The following DOCK8 variants were observed in gnomAD, a reference collection of about 807,000 sequenced individuals.
The protein encoded by DOCK8 is dedicator of cytokinesis protein 8.
In DOCK8, 141 loss-of-function variants were observed where a neutral mutation model predicts 245.6. The observed-to-expected ratio is 0.57, with a 90% confidence interval of 0.50 to 0.66. DOCK8 has a LOEUF of 0.66. DOCK8 is among the 30% of genes least tolerant of loss of function. The pLI, the probability that DOCK8 is intolerant of heterozygous loss-of-function variation, is 0.00. For missense variants in DOCK8, 2,965 were observed against 2,603.4 expected, an observed-to-expected ratio of 1.14 and a Z score of -3.02; for synonymous variants, 1,168 against 970.2, an observed-to-expected ratio of 1.20 and a Z score of -3.79.
chr9:343,742 A>G (rs574417110), intron 14 of DOCK8, among the ~76,000 whole-genome samples: 2 of 152,318 alleles, frequency 1.3e-5, no homozygotes, highest in African/African-American at 4.8e-5. Flanking sequence ...AGGAAGATGA[A>G]GGCATGAAAA....
chr9:429,708 G>C lies in DOCK8; in HGVS notation c.4480G>C (p.Asp1494His). The C allele has an allele frequency of 6.2e-7, 1 of 1,614,162 alleles. No homozygotes were observed. The highest frequency in any genetic ancestry group is 8.5e-7 in the Non-Finnish European group (1 of 1,180,044). The change falls in exon 36 of 48, where the codon GAC becomes CAC. Residue 1494 changes from aspartate to histidine, a missense_variant. Around this residue, in one of 3 missense-constraint regions of DOCK8, gnomAD observed 2,825 missense variants for 2,453.5 expected, o/e 1.15. Transcript: ENST00000432829. Reference protein sequence around the residue: ...TLRALIAKFGDLLFEEEVEQC... With the variant: ...TLRALIAKFGHLLFEEEVEQC... ...CCCTTTATGTCTCTCCTAGTTTGGA[G>C]ACTTACTCTTTGAAGAGGAGGTGGA...
At chr9:356,529 CAAAAAAA>C (rs71482278) in intron 14 of DOCK8, among the ~76,000 whole-genome samples, 1 of 130,146 alleles carries the variant, frequency 7.7e-6, no homozygotes, top group South Asian at 2.4e-4. Flanking sequence ...GACTCTGTCT[CAAAAAAA>C]AAAAAAAAAG....
chr9:448,101 T>C (rs918253186), intron 44 of DOCK8, among the ~76,000 whole-genome samples: 2 of 152,188 alleles, frequency 1.3e-5, no homozygotes, highest in Non-Finnish European at 2.9e-5. Flanking sequence ...TCTCTTTCTC[T>C]CTTTTTCATT....
At chr9:244,677 T>C (rs2047464239) in intron 1 of DOCK8, among the ~76,000 whole-genome samples, 1 of 152,226 alleles carries the variant, frequency 6.6e-6, no homozygotes, top group Admixed American at 6.5e-5. Flanking sequence ...TAAATGAATG[T>C]GGCCAAACCT....
At position 317,118 on chromosome 9, in the gene DOCK8, C is replaced by T. The variant is rs551682096; in HGVS notation, c.817C>T (p.Leu273=). ...HLGNRILVKL[L]TLKFEIEIEP... ...GGGCAACAGAATATTGGTCAAGTTGCTGACCTTGAAGTAAGTATCAACAAA... is the reference window on the plus strand; with the variant it reads ...GGGCAACAGAATATTGGTCAAGTTGTTGACCTTGAAGTAAGTATCAACAAA... Residue 273 remains leucine, a synonymous_variant, in exon 7 of 48, where the codon CTG becomes TTG. Coordinates refer to ENST00000432829, the MANE Select transcript of DOCK8 (RefSeq NM_203447.4). 7.4e-6 allele frequency: 12 copies of T among 1,612,768 alleles called. No individual in the cohort carries two copies. The African/African-American group carries it at 8.0e-5, about 11-fold the overall frequency.
chr9:297,186 T>C (rs2049293314), intron 4 of DOCK8, among the ~76,000 whole-genome samples: 1 of 152,116 alleles, frequency 6.6e-6, no homozygotes, highest in Non-Finnish European at 1.5e-5. Flanking sequence ...ACGTATTATT[T>C]TCTAATCCTC....
At chr9:443,225 G>GATAT (rs1454116930) in intron 42 of DOCK8, among the ~76,000 whole-genome samples, 1 of 152,140 alleles carries the variant, frequency 6.6e-6, no homozygotes, top group Non-Finnish European at 1.5e-5. Context: ...ATCTTATAGG[G>GATAT]AAGCATATAC....
Position 386,373 on chromosome 9 carries a change from G to A in DOCK8, c.2821G>A (p.Gly941Ser). 1 of 1,613,884 alleles carries A rather than the reference G, an allele frequency of 6.2e-7. No individual in the cohort carries two copies. Among genetic ancestry groups the A allele is most frequent in the Non-Finnish European group, 8.5e-7 (1 of 1,179,886 alleles). Reference protein sequence around the residue: ...NCSRMSYYCSGSSDAPSSPAA... With the variant: ...NCSRMSYYCSSSSDAPSSPAA... ...CAGCCGAATGTCTTACTATTGCTCT[G>A]GCAGTAGTGATGCTCCAAGTTCACC... Residue 941 changes from glycine to serine, a missense_variant, in exon 23 of 48, where the codon GGC (glycine) becomes AGC (serine). Physicochemically the swap from Gly to Ser is moderately conservative, Grantham distance 56 (BLOSUM62 0). This residue lies in a region of DOCK8 where 2,825 missense variants were observed against 2,453.5 expected (regional missense o/e 1.15). Coordinates refer to ENST00000432829, the MANE Select transcript of DOCK8 (RefSeq NM_203447.4).
chr9:218,812 G>A (rs930782590), intron 1 of DOCK8, among the ~76,000 whole-genome samples: 1 of 152,170 alleles, frequency 6.6e-6, no homozygotes, highest in Admixed American at 6.5e-5. Flanking sequence ...TTGAAAGGAA[G>A]AAAAAATAAT....
rs201492446 is a variant in DOCK8 at position 401,001 on chromosome 9, C to G, written c.3234+1742C>G. Among the ~76,000 whole-genome samples, 4 of 143,234 alleles carry G rather than the reference C, an allele frequency of 2.8e-5. No individual in the cohort carries two copies. In the East Asian group the frequency reaches 8.9e-4, roughly 32 times the overall value. The allele number at this position is 143,234 out of a possible 152,430, so 94.0% of individuals were successfully genotyped here. A position where few individuals can be genotyped will look rare whatever the true frequency, so the allele number is the denominator to read the frequency against. On this transcript the variant is annotated intron_variant, in intron 26 of 47. Transcript: ENST00000432829. ...ATCACCACCTCCTCCACCACCACCACCATTAGCTCCACCATGACCACCTCC... is the reference window on the plus strand; with the variant it reads ...ATCACCACCTCCTCCACCACCACCAGCATTAGCTCCACCATGACCACCTCC...
chr9:233,721 C>G (rs1268369961), intron 1 of DOCK8, among the ~76,000 whole-genome samples: 1 of 152,026 alleles, frequency 6.6e-6, no homozygotes, highest in Non-Finnish European at 1.5e-5. Context: ...GATTGCAACC[C>G]CTGCCTTTTT....
intron 1 of DOCK8, among the ~76,000 whole-genome samples, chr9:244,276 CCACA>C (rs149153053): frequency 1.3e-5 from 2 of 149,830 alleles, no homozygotes; most frequent in African/African-American, 4.9e-5. Context: ...ATTCCCCCCA[CCACA>C]CACACACACA....
Position 399,028 on chromosome 9 carries a change from C to T in DOCK8, c.3121-118C>T, listed in dbSNP as rs2054603552. On this transcript the variant is annotated intron_variant, in intron 25 of 47. Coordinates refer to ENST00000432829, the MANE Select transcript of DOCK8 (RefSeq NM_203447.4). ...ACTCAACTACTTCGCCCAGTGCCAC[C>T]CAGAAGGACAGTGGCTGAAATAATA... 9.8e-6 allele frequency: 9 copies of T among 914,202 alleles called. No homozygotes were observed. The South Asian group carries it at 1.3e-4, about 13-fold the overall frequency. The allele number at this position is 914,202 out of a possible 1,614,324, so 56.6% of individuals were successfully genotyped here.
rs146567872 is a variant in DOCK8, at chr9:359,056, T to A, written c.1680-8962T>A. Among the ~76,000 whole-genome samples, 112 of 152,282 alleles carry A rather than the reference T, an allele frequency of 7.4e-4. 1 individual carries two copies. The East Asian group carries it at 0.016, about 22-fold the overall frequency. On this transcript the variant is annotated intron_variant, in intron 14 of 47. Coordinates refer to ENST00000432829, the MANE Select transcript of DOCK8 (RefSeq NM_203447.4). ...AAAATGTAGGTTCTCATCTAGCAGGTCCATGGTGCATTTCTAACTGGCTCC... is the reference window on the plus strand; with the variant it reads ...AAAATGTAGGTTCTCATCTAGCAGGACCATGGTGCATTTCTAACTGGCTCC...
intron 14 of DOCK8, among the ~76,000 whole-genome samples, chr9:350,017 A>C (rs2052080021): frequency 1.3e-5 from 2 of 152,168 alleles, no homozygotes; most frequent in African/African-American, 4.8e-5. Context: ...TGTTGAAAAC[A>C]TGGCCTCCCC....
intron 1 of DOCK8, among the ~76,000 whole-genome samples, chr9:246,210 C>A (rs777228488): frequency 4.0e-5 from 6 of 151,530 alleles, no homozygotes; most frequent in Non-Finnish European, 7.4e-5. Flanking sequence ...CAGAGTGACA[C>A]CCATCTCAGA....
At chr9:336,863 G>A (rs960749106) in intron 12 of DOCK8, 145 bp downstream of exon 12, 2 of 1,050,988 alleles carry the variant, frequency 1.9e-6, no homozygotes, top group Non-Finnish European at 1.4e-6. Context: ...TTATAATAGA[G>A]TATCTGAAAC....
chr9:337,378 C>G (rs1376101343), intron 12 of DOCK8, among the ~76,000 whole-genome samples: 1 of 152,196 alleles, frequency 6.6e-6, no homozygotes, highest in Non-Finnish European at 1.5e-5. Flanking sequence ...TGAATGTTAG[C>G]TATTTTAACT....
intron 6 of DOCK8, among the ~76,000 whole-genome samples, chr9:313,570 A>T (rs977489931): frequency 1.3e-5 from 2 of 152,202 alleles, no homozygotes; most frequent in African/African-American, 4.8e-5. Context: ...AGTGGATCTC[A>T]TAGAAACAGA....
Sources: gnomAD v4.1 joint callset for allele counts (sites outside exome capture counted in the v4.1 genomes callset) on GRCh38, gnomAD v4.1.1 for gene constraint, gnomAD v4.1.1 regional missense constraint, MANE v1.5 for transcripts, NCBI Gene and HGNC (gene_info 2026-07-23, HGNC 2026-07-21) for gene names.